The following AP3S2 variants were observed in gnomAD, a reference collection of about 807,000 sequenced individuals.
The protein encoded by AP3S2 is adaptor related protein complex 3 subunit sigma 2.
AP3S2 carries 22 observed loss-of-function variants against 23.4 expected under a neutral mutation model. The ratio of observed to expected loss-of-function variants is 0.94; its 90% CI spans 0.67 to 1.34. The LOEUF (loss-of-function observed/expected upper bound fraction) is 1.34. Among genes scored for constraint, AP3S2 ranks in the 40% most tolerant of loss-of-function variants. The pLI, the probability that AP3S2 is intolerant of heterozygous loss-of-function variation, is 0.00. For missense variants in AP3S2, 241 were observed against 236.9 expected (o/e 1.02, Z -0.11); for synonymous variants, 86 against 87.1 (o/e 0.99, Z 0.07).
intron 4 of AP3S2, among the ~76,000 whole-genome samples, chr15:89,859,259 CCTTT>C (rs543059323): frequency 1.5e-4 from 23 of 150,674 alleles, no homozygotes; most frequent in Middle Eastern, 3.4e-3. Flanking sequence ...CTCCTTCCTT[CCTTT>C]TTTTCTTTTC....
chr15:89,874,272 A>G (rs950072530), intron 3 of AP3S2, among the ~76,000 whole-genome samples: 3 of 151,936 alleles, frequency 2.0e-5, no homozygotes, highest in Admixed American at 2.0e-4. Flanking sequence ...CATTTGTTAC[A>G]AGAATAAAAG....
chr15:89,846,426 C>T (rs1895490481), intron 4 of AP3S2, among the ~76,000 whole-genome samples: 1 of 151,950 alleles, frequency 6.6e-6, no homozygotes, highest in East Asian at 1.9e-4. Context: ...GGCATGATCT[C>T]GGCTCATTGC....
At chr15:89,877,864 T>C (rs1481761120) in intron 3 of AP3S2, among the ~76,000 whole-genome samples, 3 of 152,186 alleles carry the variant, frequency 2.0e-5, no homozygotes, top group Non-Finnish European at 4.4e-5. Context: ...GCATTGGCTT[T>C]AATTTATTGA....
At chr15:89,881,352 T>C (rs1444076658) in intron 3 of AP3S2, among the ~76,000 whole-genome samples, 1 of 152,170 alleles carries the variant, frequency 6.6e-6, no homozygotes. Flanking sequence ...AATGGATTAT[T>C]TACACTTAAT....
Position 89,866,555 on chromosome 15 carries a change from G to A in AP3S2, c.345+4920C>T, listed in dbSNP as rs797010477. 2.7e-5 allele frequency among the ~76,000 whole-genome samples: 4 copies of A among 150,308 alleles called. No individual in the cohort carries two copies. The East Asian group carries it at 6.0e-4, about 22-fold the overall frequency. ...GGCTGAAGTGCAATGGCATGATCTCGGCTCCCTGCAACCTCTGCCTCCTGG... is the reference window on the plus strand; with the variant it reads ...GGCTGAAGTGCAATGGCATGATCTCAGCTCCCTGCAACCTCTGCCTCCTGG... On this transcript the variant is annotated intron_variant, in intron 4 of 5. Transcript: ENST00000336418.
At chr15:89,874,839 T>G (rs541094255) in intron 3 of AP3S2, among the ~76,000 whole-genome samples, 17 of 152,160 alleles carry the variant, frequency 1.1e-4, no homozygotes, top group African/African-American at 4.1e-4. Context: ...TATAGATCAG[T>G]GGGGCAGAAT....
At position 89,842,041 on chromosome 15, in the gene AP3S2, C is replaced by T. The variant is rs142008432; in HGVS notation, c.346-4319G>A. ...CAAAGCAGAAATACAAGAACTTTAG[C>T]AGAGGTAGGGAGACGAGAAGAGAAG... On this transcript the variant is annotated intron_variant, in intron 4 of 5. Coordinates refer to ENST00000336418, the MANE Select transcript of AP3S2 (RefSeq NM_005829.5). Among the ~76,000 whole-genome samples the T allele has an allele frequency of 1.1e-4, 17 of 152,012 alleles. No individual in the cohort carries two copies. The East Asian group carries it at 3.3e-3, about 29-fold the overall frequency.
intron 4 of AP3S2, 103 bp from the exon 5 acceptor site, chr15:89,837,825 CTGTCCTG>C: frequency 2.9e-6 from 4 of 1,359,624 alleles, no homozygotes; most frequent in Non-Finnish European, 4.1e-6. Context: ...CAGATATGAC[CTGTCCTG>C]ACTCACAACT....
At chr15:89,841,889 CA>C (rs1490003160) in intron 4 of AP3S2, among the ~76,000 whole-genome samples, 1 of 151,784 alleles carries the variant, frequency 6.6e-6, no homozygotes, top group African/African-American at 2.4e-5. Context: ...ATAGGAAAAC[CA>C]AATGGCAGAC....
At chr15:89,836,453 C>A (rs1895193630) in intron 5 of AP3S2, among the ~76,000 whole-genome samples, 1 of 152,250 alleles carries the variant, frequency 6.6e-6, no homozygotes, top group African/African-American at 2.4e-5. Flanking sequence ...AACTGCTTGC[C>A]AACTAATAAT....
intron 3 of AP3S2, among the ~76,000 whole-genome samples, chr15:89,885,567 C>T (rs1196539877): frequency 6.6e-6 from 1 of 152,092 alleles, no homozygotes; most frequent in African/African-American, 2.4e-5. Flanking sequence ...TATATATCAT[C>T]CCTTTAAAAC....
chr15:89,843,454 A>G (rs1301909144), intron 4 of AP3S2, among the ~76,000 whole-genome samples: 1 of 151,296 alleles, frequency 6.6e-6, no homozygotes, highest in Non-Finnish European at 1.5e-5. Context: ...CCTGGCCAAC[A>G]TGGTGAAACC....
chr15:89,867,151 T>C (rs892675016), intron 4 of AP3S2, among the ~76,000 whole-genome samples: 2 of 146,664 alleles, frequency 1.4e-5, no homozygotes, highest in Admixed American at 6.7e-5. Flanking sequence ...GCCTGCCGAG[T>C]GCCTGCGATT....
At chr15:89,875,150 G>A (rs1465673730) in intron 3 of AP3S2, among the ~76,000 whole-genome samples, 6 of 152,234 alleles carry the variant, frequency 3.9e-5, no homozygotes, top group African/African-American at 9.6e-5. Context: ...AAAGCGGCAC[G>A]TGGAGGTGCC....
chr15:89,880,061 T>A (rs4932265), intron 3 of AP3S2, among the ~76,000 whole-genome samples: 1 of 150,364 alleles, frequency 6.7e-6, no homozygotes, highest in African/African-American at 2.4e-5. Context: ...AAAATGTGCA[T>A]CTTAGGATAT....
At chr15:89,848,015 A>C (rs149504651) in intron 4 of AP3S2, among the ~76,000 whole-genome samples, 1 of 152,300 alleles carries the variant, frequency 6.6e-6, no homozygotes, top group Non-Finnish European at 1.5e-5. Context: ...GGATAAGTAA[A>C]ATCTTTTGAG....
intron 3 of AP3S2, among the ~76,000 whole-genome samples, chr15:89,880,886 C>T (rs988763112): frequency 6.6e-6 from 1 of 152,094 alleles, no homozygotes; most frequent in African/African-American, 2.4e-5. Flanking sequence ...AAGTCATGTT[C>T]TTATCCAGTT....
Position 89,854,027 on chromosome 15 carries a change from G to A in AP3S2, c.346-16305C>T, listed in dbSNP as rs1895735590. On this transcript the variant is annotated intron_variant, in intron 4 of 5. Coordinates refer to ENST00000336418, the MANE Select transcript of AP3S2 (RefSeq NM_005829.5). ...CGTCCGGGAGGGACGTGGGGGGGGG[G>A]TCAGCCCCCCGCCCGGCCAGCCGCC... Among the ~76,000 whole-genome samples, 2 of 52,264 alleles carry A rather than the reference G, an allele frequency of 3.8e-5. 1 individual carries two copies. The highest frequency in any genetic ancestry group is 4.5e-4 in the Admixed American group (2 of 4,474). The allele number at this position is 52,264 out of a possible 152,430, so 34.3% of individuals were successfully genotyped here.
chr15:89,838,512 G>A (rs1180892459), intron 4 of AP3S2, among the ~76,000 whole-genome samples: 1 of 152,212 alleles, frequency 6.6e-6, no homozygotes, highest in Admixed American at 6.5e-5. Context: ...GTACCCCTTT[G>A]TGGTAGGAAA....
Sources: gnomAD v4.1 joint callset for allele counts (sites outside exome capture counted in the v4.1 genomes callset) on GRCh38, gnomAD v4.1.1 for gene constraint, MANE v1.5 for transcripts, NCBI Gene and HGNC (gene_info 2026-07-23, HGNC 2026-07-21) for gene names.